Variants in RAB11A observed in about 807,000 individuals in gnomAD.
RAB11A encodes the protein RAB11A, member RAS oncogene family.
A neutral mutation model predicts 28.0 loss-of-function variants in RAB11A; 9 were observed. That is an observed-to-expected ratio of 0.32 (90% CI 0.19 to 0.56). The LOEUF (loss-of-function observed/expected upper bound fraction) is 0.56, where lower values mean the gene tolerates loss of function less well. Ranked by LOEUF, RAB11A falls within the 20% of genes least tolerant of loss-of-function variation. The pLI is 0.91. For missense variants in RAB11A, 108 were observed against 269.6 expected (o/e 0.40, Z 4.20); for synonymous variants, 85 against 88.2 (o/e 0.96, Z 0.20).
At chr15:65,876,649 C>G (rs191654532) in intron 1 of RAB11A, among the ~76,000 whole-genome samples, 258 of 152,264 alleles carry the variant, frequency 1.7e-3, no homozygotes, top group Non-Finnish European at 2.5e-3. Context: ...TCCTAATACC[C>G]CCTGTTTATC....
intron 4 of RAB11A, among the ~76,000 whole-genome samples, chr15:65,883,959 C>G (rs1327077361): frequency 6.6e-6 from 1 of 152,056 alleles, no homozygotes; most frequent in Non-Finnish European, 1.5e-5. Context: ...AGTTGAAAAA[C>G]AGTAAGCTGT....
At chr15:65,869,983 C>T (rs998198811) in intron 1 of RAB11A, 2 of 208,250 alleles carry the variant, frequency 9.6e-6, no homozygotes, top group Middle Eastern at 1.6e-3. Context: ...GCCCCCTCCC[C>T]CTCGGCGTAC....
chr15:65,888,873 A>G lies in RAB11A; in HGVS notation c.*1033A>G, dbSNP rs1022881178. The stretch of plus-strand genomic sequence containing the variant: ...TTTGGTTTCAGTATGTCTGAAGAGT[A>G]CAGTGAGAGGTTAATTTCTGCTCAA... On this transcript the variant is annotated 3_prime_UTR_variant, in exon 5 of 5. Coordinates refer to ENST00000261890, the MANE Select transcript of RAB11A (RefSeq NM_004663.5). The G allele has an allele frequency of 6.6e-6, 1 of 152,594 alleles. No individual in the cohort carries two copies. Among genetic ancestry groups the G allele is most frequent in the African/African-American group, 2.4e-5 (1 of 41,462 alleles). The allele number at this position is 152,594 out of a possible 1,614,324, so 9.5% of individuals were successfully genotyped here. A position where few individuals can be genotyped will look rare whatever the true frequency, so the allele number is the denominator to read the frequency against.
In RAB11A at chr15:65,877,340, A is replaced by G; in HGVS notation, c.49A>G (p.Ile17Val). The G allele has an allele frequency of 6.2e-7, 1 of 1,611,882 alleles. No individual in the cohort carries two copies. Among genetic ancestry groups the G allele is most frequent in the Non-Finnish European group, 8.5e-7 (1 of 1,178,628 alleles). The part of the protein sequence containing the change: ...EYDYLFKVVL[I>V]GDSGVGKSNL... Reference sequence around the variant, plus strand: ...ATTCTTTGTCTTTCCAGTTGTCCTTATTGGAGATTCTGGTGTTGGAAAGAG... The same window carrying G: ...ATTCTTTGTCTTTCCAGTTGTCCTTGTTGGAGATTCTGGTGTTGGAAAGAG... Residue 17 changes from isoleucine to valine, a missense_variant, in exon 2 of 5, where the codon ATT becomes GTT. By Grantham distance (29) the Ile-to-Val change is conservative (BLOSUM62 3). This residue lies in a region of RAB11A where 23 missense variants were observed against 123.7 expected (regional missense o/e 0.19). Coordinates refer to ENST00000261890, the MANE Select transcript of RAB11A (RefSeq NM_004663.5). This position sits in a 1 kb window ranked among gnomAD's most constrained non-coding sequence, Gnocchi z 4.1.
chr15:65,880,384 T>A (rs1002923464), intron 4 of RAB11A, among the ~76,000 whole-genome samples: 1 of 152,216 alleles, frequency 6.6e-6, no homozygotes, highest in Non-Finnish European at 1.5e-5. Context: ...ACTATTAGAA[T>A]AACCAGATTT....
chr15:65,872,533 C>G (rs1339411754), intron 1 of RAB11A, among the ~76,000 whole-genome samples: 2 of 150,060 alleles, frequency 1.3e-5, no homozygotes, highest in Non-Finnish European at 3.0e-5. Context: ...TTCCTGGGTT[C>G]AAGCGATTTT....
chr15:65,875,228 G>A lies in RAB11A; in HGVS notation c.41-2104G>A, dbSNP rs372065271. 9.9e-5 allele frequency among the ~76,000 whole-genome samples: 15 copies of A among 151,918 alleles called. No individual in the cohort carries two copies. The East Asian group carries it at 1.2e-3, about 12-fold the overall frequency. Reference sequence around the variant, plus strand: ...GTTGGGACTACAGGCATGCACCACCGTGCCTGTCTAATTTTTTTGTTTGTA... The same window carrying A: ...GTTGGGACTACAGGCATGCACCACCATGCCTGTCTAATTTTTTTGTTTGTA... On this transcript the variant is annotated intron_variant, in intron 1 of 4. Transcript: ENST00000261890.
chr15:65,880,518 T>G (rs537060257), intron 4 of RAB11A, among the ~76,000 whole-genome samples: 1 of 152,218 alleles, frequency 6.6e-6, no homozygotes, highest in Non-Finnish European at 1.5e-5. Context: ...ATAGTATAGT[T>G]TTACGTGGCA....
intron 4 of RAB11A, among the ~76,000 whole-genome samples, chr15:65,882,176 C>T (rs922709974): frequency 1.3e-5 from 2 of 152,204 alleles, no homozygotes; most frequent in Non-Finnish European, 2.9e-5. Context: ...TACCACTTTT[C>T]CTTTCTATAT....
rs1039495063 is a variant in RAB11A, at chr15:65,890,984, A to G, written c.*3144A>G. On this transcript the variant is annotated 3_prime_UTR_variant, in exon 5 of 5. Coordinates refer to ENST00000261890, the MANE Select transcript of RAB11A (RefSeq NM_004663.5). ...TGTATGACTTCCATTTGCTCTGTAA[A>G]AAAATGAACAAAGATTGTGAAAGGA... is the stretch of plus-strand genomic sequence containing the variant. The G allele has an allele frequency of 6.6e-6, 1 of 152,264 alleles. No individual in the cohort carries two copies. The highest frequency in any genetic ancestry group is 2.4e-5 in the African/African-American group (1 of 41,474). The allele number at this position is 152,264 out of a possible 1,614,324, so 9.4% of individuals were successfully genotyped here.
chr15:65,881,176 C>T (rs1207102776), intron 4 of RAB11A, among the ~76,000 whole-genome samples: 1 of 152,110 alleles, frequency 6.6e-6, no homozygotes, highest in East Asian at 1.9e-4. Flanking sequence ...CAGTAGCTTT[C>T]CTTTAGAATG....
Position 65,880,204 on chromosome 15 carries a change from G to A in RAB11A, c.511+453G>A, listed in dbSNP as rs117074364. On this transcript the variant is annotated intron_variant, in intron 4 of 4. Transcript: ENST00000261890. ...GATACAGAAGAAGGGTATCCCTTGC[G>A]TATTCTATATTGTATCATGGGAGAT... Among the ~76,000 whole-genome samples the A allele has an allele frequency of 4.6e-3, 694 of 152,266 alleles. 14 individuals are homozygous for A. The highest frequency in any genetic ancestry group is 0.034 in the East Asian group (178 of 5,176).
At chr15:65,886,803 A>T in intron 4 of RAB11A, among the ~76,000 whole-genome samples, 1 of 152,240 alleles carries the variant, frequency 6.6e-6, no homozygotes, top group East Asian at 1.9e-4. Flanking sequence ...ACACTTAGTA[A>T]AAGAGGCAGA....
chr15:65,876,321 G>A (rs112290102), intron 1 of RAB11A, among the ~76,000 whole-genome samples: 5 of 152,076 alleles, frequency 3.3e-5, no homozygotes, highest in African/African-American at 9.7e-5. Context: ...TTTTAAGACA[G>A]AGTCTCAGTG....
At chr15:65,879,149 C>T (rs570271354) in intron 3 of RAB11A, among the ~76,000 whole-genome samples, 9 of 151,938 alleles carry the variant, frequency 5.9e-5, no homozygotes, top group Admixed American at 5.2e-4. Context: ...TGTGTCACCA[C>T]GCTCAGCTAA....
chr15:65,887,842 G>A lies in RAB11A; in HGVS notation c.*2G>A, dbSNP rs2078264224. 6.2e-7 allele frequency: 1 copy of A among 1,603,258 alleles called. No individual in the cohort carries two copies. The highest frequency in any genetic ancestry group is 8.5e-7 in the Non-Finnish European group (1 of 1,176,020). The stretch of plus-strand genomic sequence containing the variant: ...GTGCAGTGCTGTCAGAACATCTAAG[G>A]CATTTCTCTTCTCCCCTAGAAGGCT... On this transcript the variant is annotated 3_prime_UTR_variant, in exon 5 of 5. Transcript: ENST00000261890.
At chr15:65,885,435 A>C (rs1792667767) in intron 4 of RAB11A, among the ~76,000 whole-genome samples, 1 of 152,124 alleles carries the variant, frequency 6.6e-6, no homozygotes, top group African/African-American at 2.4e-5. Context: ...CCATTTATAC[A>C]GTTTTTAATG....
At chr15:65,883,097 A>G (rs1325508621) in intron 4 of RAB11A, among the ~76,000 whole-genome samples, 2 of 152,200 alleles carry the variant, frequency 1.3e-5, no homozygotes, top group African/African-American at 4.8e-5. Flanking sequence ...AAAAACAAGG[A>G]TATTCTCTTT....
chr15:65,872,125 T>C (rs1053955039), intron 1 of RAB11A, among the ~76,000 whole-genome samples: 7 of 151,450 alleles, frequency 4.6e-5, no homozygotes, highest in African/African-American at 1.7e-4. Flanking sequence ...GGCTAGTTTT[T>C]TGTTTTTTTG....
Sources: gnomAD v4.1 joint callset for allele counts (sites outside exome capture counted in the v4.1 genomes callset) on GRCh38, gnomAD v4.1.1 for gene constraint, gnomAD v4.1.1 regional missense constraint, Gnocchi (gnomAD v3.1) non-coding constraint, MANE v1.5 for transcripts, NCBI Gene and HGNC (gene_info 2026-07-23, HGNC 2026-07-21) for gene names.